Variants in ANTXR1 observed in about 807,000 individuals in gnomAD.
ANTXR1 encodes anthrax toxin receptor 1.
ANTXR1 carries 19 observed loss-of-function variants against 78.1 expected under a neutral mutation model. The ratio of observed to expected loss-of-function variants is 0.24; its 90% CI spans 0.17 to 0.36. ANTXR1 has a LOEUF of 0.36. Ranked by LOEUF, ANTXR1 falls within the 10% of genes least tolerant of loss-of-function variation. The pLI, the probability that ANTXR1 is intolerant of heterozygous loss-of-function variation, is 1.00. For missense variants in ANTXR1, 518 were observed against 718.6 expected (o/e 0.72, Z 3.19); for synonymous variants, 273 against 260.5 (o/e 1.05, Z -0.46).
chr2:69,020,299 G>A (rs1671146724), intron 1 of ANTXR1, among the ~76,000 whole-genome samples: 1 of 152,172 alleles, frequency 6.6e-6, no homozygotes, highest in Non-Finnish European at 1.5e-5. Flanking sequence ...TCCACATTTG[G>A]AGAAGGCCTT....
At chr2:69,125,528 C>T (rs1672505382) in intron 12 of ANTXR1, among the ~76,000 whole-genome samples, 1 of 152,134 alleles carries the variant, frequency 6.6e-6, no homozygotes, top group Admixed American at 6.5e-5. Context: ...GCAGTCAGGG[C>T]TTAGTTAGCT....
intron 17 of ANTXR1, among the ~76,000 whole-genome samples, chr2:69,215,814 C>T (rs1461217211): frequency 6.6e-6 from 1 of 152,248 alleles, no homozygotes; most frequent in African/African-American, 2.4e-5. Flanking sequence ...CAGAGCCTCT[C>T]TCCCATTCTT....
At chr2:69,044,941 G>C in intron 3 of ANTXR1, 128 bp downstream of exon 3, 2 of 929,500 alleles carry the variant, frequency 2.2e-6, no homozygotes, top group Non-Finnish European at 3.4e-6. Context: ...TTTACCCTAA[G>C]TTTTTAACCT....
intron 10 of ANTXR1, among the ~76,000 whole-genome samples, chr2:69,121,724 C>A (rs927672145): frequency 1.3e-5 from 2 of 152,184 alleles, no homozygotes; most frequent in African/African-American, 4.8e-5. Context: ...TGATTAATGA[C>A]ATAGATCTTA....
intron 17 of ANTXR1, among the ~76,000 whole-genome samples, chr2:69,215,249 G>A (rs1319264231): frequency 6.6e-6 from 1 of 152,164 alleles, no homozygotes; most frequent in Non-Finnish European, 1.5e-5. Flanking sequence ...TCTACTGGAA[G>A]GGTCTCTGGA....
intron 1 of ANTXR1, among the ~76,000 whole-genome samples, chr2:69,015,366 T>C (rs1400682257): frequency 2.6e-5 from 4 of 151,194 alleles, no homozygotes; most frequent in African/African-American, 9.7e-5. Context: ...TGTATTATAA[T>C]GTAAATTAAT....
chr2:69,171,194 A>G (rs1673974118), intron 14 of ANTXR1, among the ~76,000 whole-genome samples: 1 of 152,202 alleles, frequency 6.6e-6, no homozygotes, highest in Non-Finnish European at 1.5e-5. Context: ...TTTCCTACAT[A>G]CAGAAAGAGT....
intron 14 of ANTXR1, among the ~76,000 whole-genome samples, chr2:69,180,502 CCA>C (rs111513098): frequency 0.04 from 6,033 of 152,260 alleles, 409 homozygotes; most frequent in African/African-American, 0.14. Context: ...CTTTTTCCAT[CCA>C]CAGTTACAAG....
chr2:69,110,633 C>T (rs568997936), intron 10 of ANTXR1, among the ~76,000 whole-genome samples: 6 of 152,088 alleles, frequency 3.9e-5, no homozygotes, highest in African/African-American at 7.2e-5. Flanking sequence ...CGGAGGCGGG[C>T]GGATCACAAG....
chr2:69,161,161 G>C (rs1673673340), intron 13 of ANTXR1, among the ~76,000 whole-genome samples: 1 of 152,190 alleles, frequency 6.6e-6, no homozygotes, highest in South Asian at 2.1e-4. Context: ...GATTTATTTT[G>C]CTGTTTCACT....
At chr2:69,052,961 T>C (rs952630557) in intron 3 of ANTXR1, among the ~76,000 whole-genome samples, 4 of 152,176 alleles carry the variant, frequency 2.6e-5, no homozygotes, top group Non-Finnish European at 5.9e-5. Flanking sequence ...TGTTCCTAAA[T>C]TTTTCCACAT....
chr2:69,168,186 G>C (rs550557774), intron 13 of ANTXR1, among the ~76,000 whole-genome samples: 2 of 152,318 alleles, frequency 1.3e-5, no homozygotes, highest in South Asian at 4.1e-4. Context: ...ATATGCAGGG[G>C]GGGTATGAAA....
At chr2:69,239,924 G>C (rs1159037463) in intron 17 of ANTXR1, among the ~76,000 whole-genome samples, 1 of 152,196 alleles carries the variant, frequency 6.6e-6, no homozygotes, top group Admixed American at 6.5e-5. Flanking sequence ...TTTTTGTTGA[G>C]AACAATTTCC....
chr2:69,235,651 C>CAAAAAAAAAAAAAAAAAAAAAAAAAAAA (rs554310438), intron 17 of ANTXR1, among the ~76,000 whole-genome samples: 1 of 58,226 alleles, frequency 1.7e-5, no homozygotes, highest in Non-Finnish European at 3.5e-5. Context: ...AACCCCGTCT[C>CAAAAAAAAAAAAAAAAAAAAAAAAAAAA]AAAAAAAAAA....
At chr2:69,182,405 A>C in intron 15 of ANTXR1, 88 bp from the exon 16 acceptor site, 1 of 1,492,482 alleles carries the variant, frequency 6.7e-7, no homozygotes, top group Non-Finnish European at 9.2e-7. Flanking sequence ...TAGCATTCAC[A>C]TTGCAACTCA....
intron 16 of ANTXR1, among the ~76,000 whole-genome samples, chr2:69,187,362 C>T (rs1674444086): frequency 6.6e-6 from 1 of 151,976 alleles, no homozygotes; most frequent in South Asian, 2.1e-4. Context: ...TTGGAGCTGA[C>T]CATTTCAGAC....
intron 17 of ANTXR1, among the ~76,000 whole-genome samples, chr2:69,229,698 A>T (rs1675539921): frequency 6.6e-6 from 1 of 151,986 alleles, no homozygotes; most frequent in Non-Finnish European, 1.5e-5. Flanking sequence ...ATCCTGGGTC[A>T]GACTTTCACT....
intron 12 of ANTXR1, among the ~76,000 whole-genome samples, chr2:69,141,873 C>T (rs2104415575): frequency 6.6e-6 from 1 of 152,258 alleles, no homozygotes; most frequent in South Asian, 2.1e-4. Context: ...TCTCTCACTG[C>T]CTCCAGGCCC....
chr2:69,187,426 A>T (rs1382446564), intron 16 of ANTXR1, among the ~76,000 whole-genome samples: 1 of 148,368 alleles, frequency 6.7e-6, no homozygotes, highest in Non-Finnish European at 1.5e-5. Flanking sequence ...CCAAAAGAAG[A>T]AAAAAAAAAG....
Sources: gnomAD v4.1 joint callset for allele counts (sites outside exome capture counted in the v4.1 genomes callset) on GRCh38, gnomAD v4.1.1 for gene constraint, MANE v1.5 for transcripts, NCBI Gene and HGNC (gene_info 2026-07-23, HGNC 2026-07-21) for gene names.